The following GLG1 variants were observed in gnomAD, a reference collection of about 807,000 sequenced individuals.
GLG1 encodes Golgi apparatus protein 1.
GLG1 carries 38 observed loss-of-function variants against 160.5 expected under a neutral mutation model. The ratio of observed to expected loss-of-function variants is 0.24; its 90% CI spans 0.18 to 0.31. The LOEUF is 0.31. Ranked by LOEUF, GLG1 falls within the 10% of genes least tolerant of loss-of-function variation. GLG1 has a pLI of 1.00. For synonymous variants in GLG1, 644 were observed against 543.4 expected, an observed-to-expected ratio of 1.19 and a Z score of -2.57; for missense variants, 1,373 against 1,505.2, an observed-to-expected ratio of 0.91 and a Z score of 1.45.
intron 1 of GLG1, among the ~76,000 whole-genome samples, chr16:74,575,881 C>T (rs574985261): frequency 6.6e-6 from 1 of 152,140 alleles, no homozygotes; most frequent in South Asian, 2.1e-4. Flanking sequence ...GCACAGTGTG[C>T]TCTCATGCTC....
intron 15 of GLG1, 100 bp from the exon 16 acceptor site, chr16:74,470,173 A>G (rs1306829160): frequency 2.6e-6 from 2 of 757,834 alleles, no homozygotes; most frequent in African/African-American, 1.7e-5. Flanking sequence ...GCCTGTTTAC[A>G]AGACCCTGCA....
chr16:74,466,809 A>AGAGAAC (rs1333687352), intron 18 of GLG1, among the ~76,000 whole-genome samples: 3 of 152,234 alleles, frequency 2.0e-5, no homozygotes, highest in Non-Finnish European at 4.4e-5. Flanking sequence ...ATGCTGGGAA[A>AGAGAAC]GAGAACTGAG....
At chr16:74,496,329 C>A in intron 5 of GLG1, 112 bp downstream of exon 5, 1 of 754,820 alleles carries the variant, frequency 1.3e-6, no homozygotes, top group Non-Finnish European at 2.1e-6. Flanking sequence ...CCAGCCTGGG[C>A]AACATAGCAA....
At chr16:74,506,600 A>AAAAAAC (rs1267221867) in intron 3 of GLG1, among the ~76,000 whole-genome samples, 1 of 148,684 alleles carries the variant, frequency 6.7e-6, no homozygotes, top group African/African-American at 2.5e-5. Context: ...AAAAAAAAAA[A>AAAAAAC]AAAACTCAAG....
At position 74,474,659 on chromosome 16, in the gene GLG1, C is replaced by T. The variant is rs568177338; in HGVS notation, c.1966-27G>A. ...TGCAAATATAAAGGCAAGCCACTGG[C>T]ATTTATCAGTCACATACATGAACAA... On this transcript the variant is annotated intron_variant, in intron 12 of 25. Transcript: ENST00000422840. The T allele has an allele frequency of 3.6e-5, 38 of 1,052,496 alleles. No homozygotes were observed. In the Admixed American group the frequency reaches 6.1e-4, roughly 17 times the overall value. 65.2% of individuals were successfully genotyped at this position (1,052,496 alleles called of 1,614,324 possible).
intron 25 of GLG1, among the ~76,000 whole-genome samples, chr16:74,454,457 G>C (rs1033135671): frequency 6.6e-6 from 1 of 151,170 alleles, no homozygotes; most frequent in Non-Finnish European, 1.5e-5. Context: ...CATGAAGTCA[G>C]GAGTTCAAGA....
chr16:74,515,802 C>A (rs1000334764), intron 2 of GLG1, among the ~76,000 whole-genome samples: 2 of 151,538 alleles, frequency 1.3e-5, no homozygotes, highest in East Asian at 1.9e-4. Flanking sequence ...TTCAGGAAAC[C>A]CCTCTCACGT....
chr16:74,559,411 T>G (rs2018443660), intron 1 of GLG1, among the ~76,000 whole-genome samples: 1 of 144,724 alleles, frequency 6.9e-6, no homozygotes, highest in Non-Finnish European at 1.5e-5. Flanking sequence ...ACCACTGCAC[T>G]CCAGCCTGGG....
intron 17 of GLG1, 105 bp downstream of exon 17, chr16:74,468,841 C>T: frequency 1.4e-6 from 1 of 720,756 alleles, no homozygotes; most frequent in Non-Finnish European, 2.6e-6. Context: ...AAGTCTTAAC[C>T]ATCACAGTAG....
intron 7 of GLG1, among the ~76,000 whole-genome samples, chr16:74,492,253 T>C (rs566514634): frequency 6.7e-6 from 1 of 150,178 alleles, no homozygotes; most frequent in South Asian, 2.1e-4. Flanking sequence ...GGCATAGTGG[T>C]GCGTGCCTGT....
chr16:74,483,202 G>A (rs997679725), intron 9 of GLG1, 78 bp from the exon 10 acceptor site: 5 of 827,010 alleles, frequency 6.0e-6, no homozygotes, highest in Non-Finnish European at 1.0e-5. Context: ...TCCCTGGTCT[G>A]TAGAAGGCGG....
intron 1 of GLG1, among the ~76,000 whole-genome samples, chr16:74,574,064 C>T (rs570076991): frequency 2.6e-5 from 4 of 152,224 alleles, no homozygotes; most frequent in East Asian, 1.9e-4. Flanking sequence ...TGCGTGTGCA[C>T]GCGCACACAT....
chr16:74,463,543 AC>A, intron 19 of GLG1, 64 bp from the exon 20 acceptor site: 1 of 1,533,204 alleles, frequency 6.5e-7, no homozygotes, highest in Non-Finnish European at 8.9e-7. Flanking sequence ...ATCTGCGACC[AC>A]TTTTTTTTTT....
intron 2 of GLG1, among the ~76,000 whole-genome samples, chr16:74,514,359 T>C (rs1395182561): frequency 6.6e-6 from 1 of 152,084 alleles, no homozygotes; most frequent in African/African-American, 2.4e-5. Context: ...AAGGTTGAAA[T>C]GAAGGCAAAA....
At position 74,503,522 on chromosome 16, in the gene GLG1, A is replaced by G. The variant is rs1295412798; in HGVS notation, c.774+9T>C. The G allele has an allele frequency of 6.4e-7, 1 of 1,570,164 alleles. No individual in the cohort carries two copies. ...ACCCCTTTGTTGAAGCTAACGTAGTATTAGATACCTTTTCTCCAAGCCGAA... is the reference window on the plus strand; with the variant it reads ...ACCCCTTTGTTGAAGCTAACGTAGTGTTAGATACCTTTTCTCCAAGCCGAA... On this transcript the variant is annotated intron_variant, in intron 4 of 25. Transcript: ENST00000422840.
chr16:74,573,581 C>CTT (rs34868210), intron 1 of GLG1, among the ~76,000 whole-genome samples: 4 of 102,646 alleles, frequency 3.9e-5, no homozygotes, highest in Non-Finnish European at 7.4e-5. Context: ...TTTATCTTGC[C>CTT]TTTTTTTTTT....
At chr16:74,516,298 G>T (rs1455554994) in intron 2 of GLG1, among the ~76,000 whole-genome samples, 1 of 151,582 alleles carries the variant, frequency 6.6e-6, no homozygotes, top group African/African-American at 2.4e-5. Context: ...TGACCACATA[G>T]TTGGAAGTAA....
chr16:74,472,327 T>C, intron 14 of GLG1, 22 bp downstream of exon 14: 1 of 1,572,276 alleles, frequency 6.4e-7, no homozygotes, highest in Non-Finnish European at 8.8e-7. Context: ...TTTTAACCCT[T>C]GCTCCTCCAG....
chr16:74,478,445 C>T (rs925520134), intron 11 of GLG1, among the ~76,000 whole-genome samples: 29 of 151,992 alleles, frequency 1.9e-4, no homozygotes, highest in African/African-American at 6.3e-4. Flanking sequence ...TACAGTTAGT[C>T]TCTCTTGCAA....
Sources: gnomAD v4.1 joint callset for allele counts (sites outside exome capture counted in the v4.1 genomes callset) on GRCh38, gnomAD v4.1.1 for gene constraint, MANE v1.5 for transcripts, NCBI Gene and HGNC (gene_info 2026-07-23, HGNC 2026-07-21) for gene names.